ENPP1: variants seen among roughly 807,000 people sequenced by gnomAD.
The protein encoded by ENPP1 is ectonucleotide pyrophosphatase/phosphodiesterase family member 1.
In ENPP1, 73 loss-of-function variants were observed where a neutral mutation model predicts 122.8. The observed-to-expected ratio is 0.59, with a 90% CI of 0.49 to 0.72. The LOEUF (loss-of-function observed/expected upper bound fraction) is 0.72, where lower values mean the gene tolerates loss of function less well. Ranked by LOEUF, ENPP1 falls within the 30% of genes least tolerant of loss-of-function variation. ENPP1 has a pLI of 0.00. For synonymous variants in ENPP1, 367 were observed against 391.6 expected (o/e 0.94, Z 0.74); for missense variants, 978 against 1,128.1 (o/e 0.87, Z 1.91).
chr6:131,811,785 G>T (rs999659161), intron 1 of ENPP1, among the ~76,000 whole-genome samples: 1 of 152,044 alleles, frequency 6.6e-6, no homozygotes, highest in African/African-American at 2.4e-5. Flanking sequence ...TGCATAGTTC[G>T]CATATCTCAG....
chr6:131,827,920 G>A lies in ENPP1; in HGVS notation c.240+19645G>A, dbSNP rs190364945. ...GGCCACTGTTTCTGACAGGGTGCAG[G>A]TGGTCCGTGGAGAATCGAAGCACTT... On this transcript the variant is annotated intron_variant, in intron 1 of 24. Coordinates refer to ENST00000647893, the MANE Select transcript of ENPP1 (RefSeq NM_006208.3). 357 of 1,151,474 alleles carry A rather than the reference G, an allele frequency of 3.1e-4. 4 individuals are homozygous for A. The East Asian group carries it at 7.7e-3, about 25-fold the overall frequency. The allele number at this position is 1,151,474 out of a possible 1,614,324, so 71.3% of individuals were successfully genotyped here. A position where few individuals can be genotyped will look rare whatever the true frequency, so the allele number is the denominator to read the frequency against.
chr6:131,857,053 G>A (rs1284982276), intron 6 of ENPP1, among the ~76,000 whole-genome samples: 2 of 152,066 alleles, frequency 1.3e-5, no homozygotes, highest in Non-Finnish European at 2.9e-5. Context: ...TGATGGGGAT[G>A]GCATTGAATC....
chr6:131,847,706 T>TA, intron 1 of ENPP1, 70 bp from the exon 2 acceptor site: 1 of 1,156,096 alleles, frequency 8.6e-7, no homozygotes. Context: ...ACACTATCTC[T>TA]AAAAATAAAA....
chr6:131,832,174 G>GC (rs978532540), intron 1 of ENPP1, among the ~76,000 whole-genome samples: 13 of 145,076 alleles, frequency 9.0e-5, no homozygotes, highest in African/African-American at 2.3e-4. Context: ...CTCTTGACTT[G>GC]TTTTTTTTTT....
Position 131,808,062 on chromosome 6 carries a change from C to T in ENPP1, c.27C>T (p.Gly9=), listed in dbSNP as rs794726927. ...TGGAGCGCGACGGCTGCGCGGGGGG[C>T]GGGAGCCGCGGCGGCGAGGGCGGGC... The part of the protein sequence containing the change: MERDGCAG[G]GSRGGEGGRA... The change falls in exon 1 of 25, where the codon GGC becomes GGT. Residue 9 remains glycine, a synonymous_variant. Transcript: ENST00000647893. 1.7e-6 allele frequency: 1 copy of T among 596,484 alleles called. No homozygotes were observed. Among genetic ancestry groups the T allele is most frequent in the Non-Finnish European group, 1.9e-6 (1 of 525,036 alleles). 36.9% of individuals were successfully genotyped at this position (596,484 alleles called of 1,614,324 possible). A position where few individuals can be genotyped will look rare whatever the true frequency, so the allele number is the denominator to read the frequency against.
chr6:131,878,220 C>A (rs1422774079), intron 18 of ENPP1, among the ~76,000 whole-genome samples: 2 of 151,750 alleles, frequency 1.3e-5, no homozygotes, highest in African/African-American at 2.4e-5. Context: ...CATAGTGAGA[C>A]CCTGTCTGTA....
intron 1 of ENPP1, among the ~76,000 whole-genome samples, chr6:131,823,688 G>A (rs935687810): frequency 6.6e-6 from 1 of 150,972 alleles, no homozygotes; most frequent in Non-Finnish European, 1.5e-5. Context: ...ATGCTCTTTG[G>A]CCCCATCTCC....
chr6:131,829,727 C>T (rs935426472), intron 1 of ENPP1, among the ~76,000 whole-genome samples: 8 of 152,112 alleles, frequency 5.3e-5, no homozygotes, highest in Non-Finnish European at 1.0e-4. Flanking sequence ...AGAAGGAAGC[C>T]GCTACCACCT....
intron 13 of ENPP1, among the ~76,000 whole-genome samples, chr6:131,871,143 A>G (rs1323537081): frequency 1.3e-5 from 2 of 152,168 alleles, no homozygotes; most frequent in African/African-American, 4.8e-5. Context: ...AAGCTGTACC[A>G]TACCCTTATC....
At chr6:131,868,556 C>T (rs570264282) in intron 12 of ENPP1, among the ~76,000 whole-genome samples, 2 of 152,306 alleles carry the variant, frequency 1.3e-5, no homozygotes, top group East Asian at 3.9e-4. Context: ...TCTCCTACCT[C>T]AGCCTCCTGA....
chr6:131,812,088 G>T (rs2114648420), intron 1 of ENPP1, among the ~76,000 whole-genome samples: 1 of 152,178 alleles, frequency 6.6e-6, no homozygotes, highest in Non-Finnish European at 1.5e-5. Context: ...CTGGAGTTGA[G>T]GTATGTTGGG....
At chr6:131,850,350 T>C (rs531743465) in intron 3 of ENPP1, among the ~76,000 whole-genome samples, 2 of 152,354 alleles carry the variant, frequency 1.3e-5, no homozygotes, top group South Asian at 2.1e-4. Context: ...TAATGTATGC[T>C]GAAAGCCTTT....
chr6:131,879,262 G>A (rs1175289851), intron 19 of ENPP1, among the ~76,000 whole-genome samples: 1 of 152,148 alleles, frequency 6.6e-6, no homozygotes, highest in Non-Finnish European at 1.5e-5. Flanking sequence ...GGCACTTTCA[G>A]AATTGAGTAG....
At chr6:131,851,307 C>G in intron 4 of ENPP1, 40 bp downstream of exon 4, 1 of 1,613,652 alleles carries the variant, frequency 6.2e-7, no homozygotes, top group Non-Finnish European at 8.5e-7. Flanking sequence ...CTGGTATCTT[C>G]CAGCGTCTTA....
intron 1 of ENPP1, among the ~76,000 whole-genome samples, chr6:131,837,817 T>C (rs1409056848): frequency 1.3e-5 from 2 of 152,186 alleles, no homozygotes; most frequent in Non-Finnish European, 2.9e-5. Flanking sequence ...AGGCATCACA[T>C]AGGCAGGCAT....
chr6:131,821,296 G>A (rs527604732), intron 1 of ENPP1, among the ~76,000 whole-genome samples: 350 of 152,342 alleles, frequency 2.3e-3, no homozygotes, highest in Non-Finnish European at 4.3e-3. Context: ...TTCTGTAGCT[G>A]AGAATTCTAA....
chr6:131,829,998 G>A (rs563018955), intron 1 of ENPP1, among the ~76,000 whole-genome samples: 3 of 152,180 alleles, frequency 2.0e-5, no homozygotes, highest in Admixed American at 1.3e-4. Flanking sequence ...CTGAGTTGGC[G>A]GATCAAAAGA....
At chr6:131,829,817 T>C (rs961764099) in intron 1 of ENPP1, among the ~76,000 whole-genome samples, 1 of 152,112 alleles carries the variant, frequency 6.6e-6, no homozygotes, top group African/African-American at 2.4e-5. Flanking sequence ...GCTGGGACCC[T>C]GGGCAGATGC....
At chr6:131,864,428 A>T (rs1782062180) in intron 9 of ENPP1, 78 bp from the exon 10 acceptor site, 2 of 934,568 alleles carry the variant, frequency 2.1e-6, no homozygotes, top group East Asian at 4.9e-5. Flanking sequence ...TCTTAATGAC[A>T]TTTTCAATGA....
Sources: allele counts gnomAD v4.1 joint callset (sites outside exome capture counted in the v4.1 genomes callset), GRCh38; gene constraint gnomAD v4.1.1; transcripts MANE v1.5; gene names NCBI Gene and HGNC (gene_info 2026-07-23, HGNC 2026-07-21).